Variants in CTTNBP2 observed in about 807,000 individuals in gnomAD.
CTTNBP2 encodes cortactin-binding protein 2.
A neutral mutation model predicts 156.9 loss-of-function variants in CTTNBP2; 108 were observed. That is an observed-to-expected ratio of 0.69 (90% CI 0.59 to 0.81). The LOEUF (loss-of-function observed/expected upper bound fraction) is 0.81, where lower values mean the gene tolerates loss of function less well. Among genes scored for constraint, CTTNBP2 ranks in the 30% least tolerant of loss-of-function variants. The pLI, the probability that CTTNBP2 is intolerant of heterozygous loss-of-function variation, is 0.00. For synonymous variants in CTTNBP2, 767 were observed against 751.8 expected (o/e 1.02, Z -0.33); for missense variants, 1,924 against 2,035.4 (o/e 0.95, Z 1.05).
chr7:117,771,197 G>A (rs1797779025), intron 8 of CTTNBP2, among the ~76,000 whole-genome samples: 1 of 152,154 alleles, frequency 6.6e-6, no homozygotes, highest in Non-Finnish European at 1.5e-5. Flanking sequence ...GCAGAGCTGA[G>A]AAGCAAGGTA....
At chr7:117,779,634 T>C (rs530569883) in intron 7 of CTTNBP2, among the ~76,000 whole-genome samples, 1 of 152,020 alleles carries the variant, frequency 6.6e-6, no homozygotes, top group South Asian at 2.1e-4. Context: ...TAAAACTGTT[T>C]TCTCAGATTT....
intron 10 of CTTNBP2, chr7:117,758,184 T>A (rs76055517): frequency 1.8e-6 from 1 of 542,260 alleles, no homozygotes; most frequent in Admixed American, 3.6e-5. Flanking sequence ...ATCTACAGAC[T>A]TCTCCAAAGC....
At chr7:117,829,272 G>C (rs1448041275) in intron 2 of CTTNBP2, among the ~76,000 whole-genome samples, 3 of 152,182 alleles carry the variant, frequency 2.0e-5, no homozygotes, top group African/African-American at 4.8e-5. Context: ...ATCTGTCTCT[G>C]TCCTTTAATG....
intron 1 of CTTNBP2, among the ~76,000 whole-genome samples, chr7:117,864,678 T>TTA (rs1171184707): frequency 2.4e-5 from 2 of 83,710 alleles, no homozygotes; most frequent in Non-Finnish European, 6.2e-5. Flanking sequence ...ATTCATATAT[T>TTA]TATATATATT....
chr7:117,857,453 T>G (rs1803404213), intron 2 of CTTNBP2, among the ~76,000 whole-genome samples: 1 of 152,216 alleles, frequency 6.6e-6, no homozygotes. Flanking sequence ...TTGCAATTAA[T>G]TCAATGATGT....
intron 2 of CTTNBP2, among the ~76,000 whole-genome samples, chr7:117,839,091 G>T (rs571381029): frequency 6.6e-6 from 1 of 151,906 alleles, no homozygotes; most frequent in South Asian, 2.1e-4. Context: ...TCAAGTTAAG[G>T]CCTTCCCCAA....
chr7:117,817,698 T>C (rs995353167), intron 2 of CTTNBP2, among the ~76,000 whole-genome samples: 1 of 151,986 alleles, frequency 6.6e-6, no homozygotes, highest in African/African-American at 2.4e-5. Context: ...TTATAAGCTT[T>C]TCATTTTATG....
At chr7:117,819,208 AGAAG>A (rs752546500) in intron 2 of CTTNBP2, among the ~76,000 whole-genome samples, 4 of 152,232 alleles carry the variant, frequency 2.6e-5, no homozygotes, top group African/African-American at 9.6e-5. Flanking sequence ...AGCTCTTTTA[AGAAG>A]GAAGGGGGAA....
chr7:117,798,801 A>T (rs1799459391), intron 3 of CTTNBP2, among the ~76,000 whole-genome samples: 1 of 152,066 alleles, frequency 6.6e-6, no homozygotes, highest in South Asian at 2.1e-4. Context: ...AAGATTAATA[A>T]TATTGCTAAA....
chr7:117,767,113 G>C lies in CTTNBP2; in HGVS notation c.2842C>G (p.Arg948Gly). The C allele has an allele frequency of 6.2e-7, 1 of 1,612,936 alleles. No individual in the cohort carries two copies. The highest frequency in any genetic ancestry group is 1.7e-5 in the Admixed American group (1 of 60,000). Residue 948 changes from arginine (R) to glycine (G), a missense_variant, in exon 9 of 23, where the codon CGG becomes GGG. Arg to Gly is a moderately radical substitution (Grantham distance 125). Coordinates refer to ENST00000160373, the MANE Select transcript of CTTNBP2 (RefSeq NM_033427.3). ...LEPERRDKCN[R>G]TVHDVATDDC... ...TCAGTGGCAACATCATGCACAGTCC[G>C]ATTGCACTTGTCTCTCCTTTCTGGC...
chr7:117,813,200 A>G (rs1800388725), intron 2 of CTTNBP2, among the ~76,000 whole-genome samples: 5 of 152,220 alleles, frequency 3.3e-5, no homozygotes, highest in Admixed American at 3.3e-4. Flanking sequence ...GTGATTTCTT[A>G]GAGGAACACC....
At chr7:117,815,372 A>C (rs1800517579) in intron 2 of CTTNBP2, among the ~76,000 whole-genome samples, 1 of 152,254 alleles carries the variant, frequency 6.6e-6, no homozygotes, top group Admixed American at 6.5e-5. Flanking sequence ...ACTAATAACT[A>C]ATTTTAAAAA....
At chr7:117,741,155 G>T (rs1584928506) in intron 14 of CTTNBP2, among the ~76,000 whole-genome samples, 2 of 152,258 alleles carry the variant, frequency 1.3e-5, no homozygotes, top group Middle Eastern at 3.4e-3. Flanking sequence ...AAATATGAAA[G>T]GTTAATGATG....
chr7:117,800,673 A>G (rs944207147), intron 3 of CTTNBP2, among the ~76,000 whole-genome samples: 2 of 152,134 alleles, frequency 1.3e-5, no homozygotes, highest in African/African-American at 4.8e-5. Flanking sequence ...ACTGGTGGAA[A>G]AAAGGAGTCA....
intron 2 of CTTNBP2, among the ~76,000 whole-genome samples, chr7:117,820,549 T>C (rs1800896343): frequency 6.6e-6 from 1 of 152,214 alleles, no homozygotes; most frequent in South Asian, 2.1e-4. Flanking sequence ...GCAATATTTG[T>C]GTATGGTGTT....
At chr7:117,852,250 A>G (rs1802972785) in intron 2 of CTTNBP2, among the ~76,000 whole-genome samples, 1 of 151,878 alleles carries the variant, frequency 6.6e-6, no homozygotes, top group Admixed American at 6.6e-5. Context: ...CCAAATTTCT[A>G]TTTAAGGACT....
chr7:117,819,367 T>TCACACACACACACA, intron 2 of CTTNBP2, among the ~76,000 whole-genome samples: 2 of 130,610 alleles, frequency 1.5e-5, no homozygotes, highest in East Asian at 4.9e-4. Context: ...TCTCTCTCTC[T>TCACACACACACACA]CACACACACA....
At chr7:117,846,928 G>GA in intron 2 of CTTNBP2, among the ~76,000 whole-genome samples, 1 of 151,902 alleles carries the variant, frequency 6.6e-6, no homozygotes. Context: ...TTGTTATGAA[G>GA]AAAAAATGGT....
chr7:117,742,151 G>C (rs969185548), intron 14 of CTTNBP2, among the ~76,000 whole-genome samples: 12 of 152,174 alleles, frequency 7.9e-5, no homozygotes, highest in Admixed American at 7.9e-4. Flanking sequence ...TTCGACAGAG[G>C]CTTTTTCTAT....
Sources: gnomAD v4.1 joint callset for allele counts (sites outside exome capture counted in the v4.1 genomes callset) on GRCh38, gnomAD v4.1.1 for gene constraint, MANE v1.5 for transcripts, NCBI Gene and HGNC (gene_info 2026-07-23, HGNC 2026-07-21) for gene names.